Variants in PLEKHA6 observed in about 807,000 individuals in gnomAD.
PLEKHA6 encodes pleckstrin homology domain-containing family A member 6.
A neutral mutation model predicts 116.7 loss-of-function variants in PLEKHA6; 60 were observed. The observed-to-expected ratio is 0.51, with a 90% CI of 0.42 to 0.64. PLEKHA6 has a LOEUF of 0.64. PLEKHA6 is among the 30% of genes least tolerant of loss of function. The probability of loss-of-function intolerance (pLI) is 0.00; values close to 1 mark genes in which losing one functional copy is unlikely to be tolerated. For synonymous variants in PLEKHA6, 489 were observed against 556.1 expected (o/e 0.88, Z 1.70); for missense variants, 1,338 against 1,422.7 (o/e 0.94, Z 0.96).
chr1:204,275,887 G>T (rs539664385), intron 1 of PLEKHA6: 30 of 177,344 alleles, frequency 1.7e-4, no homozygotes, highest in Non-Finnish European at 3.2e-4. Context: ...CCAAACTCCC[G>T]CAAGGAACAG....
chr1:204,361,565 G>A (rs1673561058), upstream of PLEKHA6, among the ~76,000 whole-genome samples: 1 of 152,242 alleles, frequency 6.6e-6, no homozygotes, highest in Admixed American at 6.5e-5. Context: ...CTCTTGGGGA[G>A]GGGGACTCTT....
At chr1:204,272,588 C>T (rs1326988692) in intron 3 of PLEKHA6, among the ~76,000 whole-genome samples, 2 of 152,032 alleles carry the variant, frequency 1.3e-5, no homozygotes, top group Non-Finnish European at 2.9e-5. Context: ...CCTAATAAAA[C>T]AAGACAACCG....
rs776462462 is a variant in PLEKHA6 at position 204,257,452 on chromosome 1, G to A, written c.1425C>T (p.Arg475=). 4.5e-6 allele frequency: 7 copies of A among 1,569,746 alleles called. No individual in the cohort carries two copies. The African/African-American group carries it at 6.7e-5, about 15-fold the overall frequency. The change falls in exon 9 of 23, where the codon CGC becomes CGT. Residue 475 remains arginine, a synonymous_variant. Coordinates refer to ENST00000272203, the MANE Select transcript of PLEKHA6 (RefSeq NM_014935.5). This position sits in a 1 kb window ranked among gnomAD's most constrained non-coding sequence, Gnocchi z 6.5. ...GCCGCTCAAAACGGGCACTGGGTGA[G>A]CGGACAGGGGAGTAAATGCGGGCAC... ...YSRARIYSPV[R]SPSARFERLP...
intron 1 of PLEKHA6, among the ~76,000 whole-genome samples, chr1:204,374,199 C>A (rs920415136): frequency 3.3e-5 from 5 of 152,204 alleles, no homozygotes; most frequent in African/African-American, 1.2e-4. Flanking sequence ...CAGTCACAGG[C>A]TGTCTCCACT....
At chr1:204,343,069 T>G (rs922677722) in intron 1 of PLEKHA6, among the ~76,000 whole-genome samples, 1 of 152,200 alleles carries the variant, frequency 6.6e-6, no homozygotes, top group Admixed American at 6.5e-5. Context: ...ATCACATCTT[T>G]TATGCAGCAA....
chr1:204,366,013 A>G (rs1208870007), intron 3 of PLEKHA6, among the ~76,000 whole-genome samples: 1 of 152,220 alleles, frequency 6.6e-6, no homozygotes. Context: ...AGCAAGCGCC[A>G]AGGCTCTGAG....
chr1:204,220,047 ATG>A lies in PLEKHA6; in HGVS notation c.*2739_*2740del, dbSNP rs1659487616. 6.6e-6 allele frequency: 1 copy of A among 151,972 alleles called. No homozygotes were observed. Among genetic ancestry groups the A allele is most frequent in the African/African-American group, 2.4e-5 (1 of 41,400 alleles). The allele number at this position is 151,972 out of a possible 1,614,324, so 9.4% of individuals were successfully genotyped here. The stretch of plus-strand genomic sequence containing the variant: ...AGTGTGACAAGTCCAAGGAACTTGT[ATG>A]TGTCTGTGCTACAGGGCCAGGGATG... On this transcript the variant is annotated 3_prime_UTR_variant, in exon 23 of 23. Transcript: ENST00000272203.
At chr1:204,244,042 T>C (rs754378612) in intron 15 of PLEKHA6, among the ~76,000 whole-genome samples, 18 of 151,784 alleles carry the variant, frequency 1.2e-4, no homozygotes, top group East Asian at 3.9e-4. Context: ...AGGATGGTCT[T>C]GATCTCCTGA....
chr1:204,375,612 G>C (rs548542494), intron 1 of PLEKHA6, among the ~76,000 whole-genome samples: 2 of 151,918 alleles, frequency 1.3e-5, no homozygotes, highest in South Asian at 4.2e-4. Context: ...CCTGCCTCTC[G>C]CTCAGCCTCA....
intron 1 of PLEKHA6, among the ~76,000 whole-genome samples, chr1:204,288,940 A>G (rs558824881): frequency 6.6e-5 from 10 of 152,330 alleles, no homozygotes; most frequent in African/African-American, 2.4e-4. Flanking sequence ...TTTGGAGGAT[A>G]CAGACGGAAG....
At chr1:204,275,156 G>A (rs191012732) in intron 1 of PLEKHA6, among the ~76,000 whole-genome samples, 245 of 152,202 alleles carry the variant, frequency 1.6e-3, no homozygotes, top group African/African-American at 5.4e-3. Context: ...AGGACCTCAC[G>A]CATGGCAGGT....
At position 204,238,963 on chromosome 1, in the gene PLEKHA6, G is replaced by C. The variant is rs986443011; in HGVS notation, c.2409+2412C>G. Among the ~76,000 whole-genome samples, 1 of 152,242 alleles carries C rather than the reference G, an allele frequency of 6.6e-6. No individual in the cohort carries two copies. Among genetic ancestry groups the C allele is most frequent in the Non-Finnish European group, 1.5e-5 (1 of 68,038 alleles). ...ACTGATTCATGGGCTGTAGCCAATG[G>C]TTTGGCTGGATGGTCAGGGACTTTG... On this transcript the variant is annotated intron_variant, in intron 17 of 22. Coordinates refer to ENST00000272203, the MANE Select transcript of PLEKHA6 (RefSeq NM_014935.5). This position sits in a 1 kb window ranked among gnomAD's most constrained non-coding sequence, Gnocchi z 4.2.
At chr1:204,247,300 C>T in intron 13 of PLEKHA6, 65 bp downstream of exon 13, 1 of 993,370 alleles carries the variant, frequency 1.0e-6, no homozygotes, top group Non-Finnish European at 1.6e-6. Context: ...TTGCTTTTGT[C>T]TCGAGGCCAA....
At chr1:204,327,258 T>C (rs1463977381) in intron 1 of PLEKHA6, among the ~76,000 whole-genome samples, 1 of 152,238 alleles carries the variant, frequency 6.6e-6, no homozygotes, top group Non-Finnish European at 1.5e-5. Context: ...CAGGGCTTCC[T>C]GCTTGTTTGT....
intron 9 of PLEKHA6, chr1:204,256,762 G>C (rs867072970): frequency 1.3e-5 from 7 of 559,812 alleles, no homozygotes; most frequent in African/African-American, 3.8e-5. Flanking sequence ...AGCACGGTGC[G>C]GGGAGGCCCT....
intron 1 of PLEKHA6, among the ~76,000 whole-genome samples, chr1:204,345,788 G>A (rs1485163437): frequency 6.6e-6 from 1 of 152,102 alleles, no homozygotes; most frequent in Non-Finnish European, 1.5e-5. Context: ...AAAGCCACTG[G>A]AGCAAACCCT....
At chr1:204,280,423 C>T (rs1474109597) in intron 1 of PLEKHA6, 1 of 985,288 alleles carries the variant, frequency 1.0e-6, no homozygotes, top group African/African-American at 1.7e-5. Flanking sequence ...TGGAGAAATA[C>T]TCCACTCCTT....
At chr1:204,348,072 T>C (rs1673134636) in intron 1 of PLEKHA6, among the ~76,000 whole-genome samples, 1 of 152,088 alleles carries the variant, frequency 6.6e-6, no homozygotes, top group African/African-American at 2.4e-5. Context: ...CCCACCACCC[T>C]GGCCTGTAAC....
chr1:204,229,023 C>A lies in PLEKHA6; in HGVS notation c.2665G>T (p.Ala889Ser), dbSNP rs1441231170. Reference protein sequence around the residue: ...ALRAEEPGGHAYETPREEIAR... With the variant: ...ALRAEEPGGHSYETPREEIAR... ...ATTTCCTCCCGGGGTGTCTCGTAGG[C>A]ATGCCCGCCAGGCTCCTCTGCCCGC... The change falls in exon 19 of 23, where the codon GCC (alanine) becomes TCC (serine). Residue 889 changes from alanine (A) to serine (S), a missense_variant. Coordinates refer to ENST00000272203, the MANE Select transcript of PLEKHA6 (RefSeq NM_014935.5). The A allele has an allele frequency of 6.2e-7, 1 of 1,614,060 alleles. No individual in the cohort carries two copies. Among genetic ancestry groups the A allele is most frequent in the Non-Finnish European group, 8.5e-7 (1 of 1,180,022 alleles).
Sources: gnomAD v4.1 joint callset for allele counts (sites outside exome capture counted in the v4.1 genomes callset) on GRCh38, gnomAD v4.1.1 for gene constraint, Gnocchi (gnomAD v3.1) non-coding constraint, MANE v1.5 for transcripts, NCBI Gene and HGNC (gene_info 2026-07-23, HGNC 2026-07-21) for gene names.